CSMD1: variants seen among roughly 807,000 people sequenced by gnomAD.
The protein encoded by CSMD1 is CUB and sushi domain-containing protein 1.
In CSMD1, 213 loss-of-function variants were observed where a neutral mutation model predicts 417.5. The ratio of observed to expected loss-of-function variants is 0.51; its 90% confidence interval spans 0.46 to 0.57. CSMD1 has a LOEUF of 0.57. CSMD1 is among the 20% of genes least tolerant of loss of function. The pLI is 0.00. For missense variants in CSMD1, 6,923 were observed against 4,529.7 expected (o/e 1.53, Z -15.17); for synonymous variants, 2,862 against 1,736.8 (o/e 1.65, Z -16.11).
In CSMD1 at chr8:3,556,099, A is replaced by C. The variant is rs552336132; in HGVS notation, c.1344+18846T>G. On this transcript the variant is annotated intron_variant, in intron 10 of 69. Coordinates refer to ENST00000635120, the MANE Select transcript of CSMD1 (RefSeq NM_033225.6). ...TATTATTCCATATTCCACTAACTAC[A>C]TAAGACTCCTCACAAAACCCAGCAG... Among the ~76,000 whole-genome samples the C allele has an allele frequency of 3.3e-5, 5 of 152,248 alleles. No homozygotes were observed. In the East Asian group the frequency reaches 7.7e-4, roughly 24 times the overall value.
At position 3,208,117 on chromosome 8, in the gene CSMD1, G is replaced by A. The variant is rs950393136; in HGVS notation, c.4868-2497C>T. Among the ~76,000 whole-genome samples the A allele has an allele frequency of 2.6e-5, 4 of 152,104 alleles. No homozygotes were observed. In the East Asian group the frequency reaches 5.8e-4, roughly 22 times the overall value. ...AAGATTGAAAATATATTTTATTTGC[G>A]CTCAGTCACATACAATTCAAACATA... On this transcript the variant is annotated intron_variant, in intron 30 of 69. Transcript: ENST00000635120.
chr8:4,549,050 A>C (rs937113590), intron 2 of CSMD1, among the ~76,000 whole-genome samples: 1 of 152,166 alleles, frequency 6.6e-6, no homozygotes, highest in East Asian at 1.9e-4. Flanking sequence ...TTTCACATTC[A>C]TTTAATGTTT....
At chr8:4,131,175 T>G (rs1332811342) in intron 3 of CSMD1, among the ~76,000 whole-genome samples, 4 of 152,172 alleles carry the variant, frequency 2.6e-5, no homozygotes, top group African/African-American at 9.7e-5. Flanking sequence ...CTGAGAGTAG[T>G]ACATCAAAAG....
intron 3 of CSMD1, among the ~76,000 whole-genome samples, chr8:4,180,960 G>A (rs529529218): frequency 1.3e-5 from 2 of 152,242 alleles, no homozygotes; most frequent in Non-Finnish European, 2.9e-5. Context: ...AGCCGGGGAT[G>A]ATGCTGTGAT....
intron 3 of CSMD1, among the ~76,000 whole-genome samples, chr8:4,235,890 C>T (rs1444858980): frequency 6.6e-6 from 1 of 152,174 alleles, no homozygotes; most frequent in African/African-American, 2.4e-5. Flanking sequence ...CCGGCTGACA[C>T]ATCCCGTAGC....
intron 26 of CSMD1, among the ~76,000 whole-genome samples, chr8:3,257,799 C>G (rs571324478): frequency 6.6e-6 from 1 of 151,696 alleles, no homozygotes; most frequent in Non-Finnish European, 1.5e-5. Flanking sequence ...GGTGTGAGGG[C>G]GATCGGTGGG....
At chr8:3,831,447 T>C (rs1164425210) in intron 5 of CSMD1, among the ~76,000 whole-genome samples, 3 of 152,108 alleles carry the variant, frequency 2.0e-5, no homozygotes, top group Non-Finnish European at 2.9e-5. Flanking sequence ...TAAGGAAACA[T>C]CCAGGAGATT....
intron 18 of CSMD1, among the ~76,000 whole-genome samples, chr8:3,386,295 CCT>C (rs1810999373): frequency 6.6e-6 from 1 of 152,210 alleles, no homozygotes; most frequent in South Asian, 2.1e-4. Flanking sequence ...TCAGGCTGCA[CCT>C]CTTTCTCAGC....
chr8:3,515,402 T>C (rs1797243496), intron 10 of CSMD1: 1 of 152,180 alleles, frequency 6.6e-6, no homozygotes, highest in African/African-American at 2.4e-5. Context: ...CTTGAAAATG[T>C]TGGTGAAGTT....
intron 6 of CSMD1, among the ~76,000 whole-genome samples, chr8:3,745,487 G>T (rs1349432619): frequency 6.6e-6 from 1 of 152,200 alleles, no homozygotes; most frequent in Non-Finnish European, 1.5e-5. Context: ...AGGAAACCAG[G>T]TTCTGCACGT....
chr8:4,090,195 G>C (rs1463724607), intron 3 of CSMD1, among the ~76,000 whole-genome samples: 2 of 152,126 alleles, frequency 1.3e-5, no homozygotes, highest in Admixed American at 6.5e-5. Flanking sequence ...TTTGACTACA[G>C]TACATGATTG....
chr8:3,555,032 TGAG>T (rs1383402510), intron 10 of CSMD1, among the ~76,000 whole-genome samples: 1 of 151,966 alleles, frequency 6.6e-6, no homozygotes, highest in African/African-American at 2.4e-5. Flanking sequence ...AGACTGTGCG[TGAG>T]GAGTCCTCCG....
intron 3 of CSMD1, among the ~76,000 whole-genome samples, chr8:4,249,871 G>C (rs560882713): frequency 2.6e-5 from 4 of 152,098 alleles, no homozygotes; most frequent in Admixed American, 6.6e-5. Context: ...TTCTTGAGTT[G>C]GCAACTAAAT....
chr8:4,377,203 G>A (rs1021227560), intron 3 of CSMD1, among the ~76,000 whole-genome samples: 45 of 152,174 alleles, frequency 3.0e-4, no homozygotes, highest in African/African-American at 9.2e-4. Flanking sequence ...TTTTGGAAGG[G>A]CTGAGAGCGC....
At position 3,352,565 on chromosome 8, in the gene CSMD1, C is replaced by T. The variant is rs111934964; in HGVS notation, c.3305-4404G>A. On this transcript the variant is annotated intron_variant, in intron 21 of 69. Coordinates refer to ENST00000635120, the MANE Select transcript of CSMD1 (RefSeq NM_033225.6). ...TATTACTATTACATCATTGGCTGGG[C>T]GCGGTGGCTCACATCTGTAATCCTA... 1.9e-4 allele frequency among the ~76,000 whole-genome samples: 29 copies of T among 152,208 alleles called. No individual in the cohort carries two copies. In the East Asian group the frequency reaches 2.3e-3, roughly 12 times the overall value.
In CSMD1 at chr8:2,992,356, T is replaced by C. The variant is rs192276983; in HGVS notation, c.8377+5655A>G. ...AGGTGATGGTTGCACAACATGGTCA[T>C]GGCGAAAGCGCCCCTGAACTGCACA... On this transcript the variant is annotated intron_variant, in intron 54 of 69. Transcript: ENST00000635120. 2.0e-3 allele frequency among the ~76,000 whole-genome samples: 298 copies of C among 152,208 alleles called. 4 individuals carry two copies. The highest frequency in any genetic ancestry group is 0.014 in the Middle Eastern group (4 of 294).
chr8:3,451,712 A>G (rs1291206590), intron 12 of CSMD1, among the ~76,000 whole-genome samples: 1 of 152,196 alleles, frequency 6.6e-6, no homozygotes, highest in Non-Finnish European at 1.5e-5. Flanking sequence ...TGTTTTGGTT[A>G]CGGTAGCCTT....
At chr8:4,813,300 C>A (rs1017618107) in intron 1 of CSMD1, among the ~76,000 whole-genome samples, 5 of 151,994 alleles carry the variant, frequency 3.3e-5, no homozygotes, top group African/African-American at 1.2e-4. Context: ...ATCACTCCCC[C>A]CACAGAGCCG....
intron 28 of CSMD1, among the ~76,000 whole-genome samples, chr8:3,222,124 C>G (rs892846820): frequency 2.0e-5 from 3 of 152,072 alleles, no homozygotes; most frequent in African/African-American, 7.2e-5. Context: ...GTTTCTGAGA[C>G]ATTGGGTCGG....
Sources: allele counts gnomAD v4.1 joint callset (sites outside exome capture counted in the v4.1 genomes callset), GRCh38; gene constraint gnomAD v4.1.1; transcripts MANE v1.5; gene names NCBI Gene and HGNC (gene_info 2026-07-23, HGNC 2026-07-21).